Variants in EIF5A observed in about 807,000 individuals in gnomAD.
EIF5A encodes eukaryotic translation initiation factor 5A-1.
Under a neutral mutation model 16.6 loss-of-function variants are expected in EIF5A, and 1 was observed. The ratio of observed to expected loss-of-function variants is 0.06; its 90% CI spans 0.02 to 0.28. The LOEUF (loss-of-function observed/expected upper bound fraction) is 0.28. Among genes scored for constraint, EIF5A ranks in the 10% least tolerant of loss-of-function variants. The pLI, the probability that EIF5A is intolerant of heterozygous loss-of-function variation, is 1.00. For synonymous variants in EIF5A, 80 were observed against 73.6 expected, an observed-to-expected ratio of 1.09 and a Z score of -0.44; for missense variants, 29 against 196.1, an observed-to-expected ratio of 0.15 and a Z score of 5.09.
chr17:7,307,591 G>T, upstream of EIF5A: 1 of 1,016,516 alleles, frequency 9.8e-7, no homozygotes, highest in Non-Finnish European at 1.2e-6. Flanking sequence ...GGCTGTCATA[G>T]GGCTGCTTGG....
At chr17:7,311,774 C>T (rs2072836252) in intron 5 of EIF5A, 48 bp from the exon 6 acceptor site, 1 of 1,271,274 alleles carries the variant, frequency 7.9e-7, no homozygotes, top group African/African-American at 1.5e-5. Flanking sequence ...CCCTATCCTT[C>T]CTGTTGAAGG....
At chr17:7,311,240 G>C in intron 3 of EIF5A, 110 bp from the exon 4 acceptor site, 1 of 1,584,420 alleles carries the variant, frequency 6.3e-7, no homozygotes, top group South Asian at 1.1e-5. Flanking sequence ...GGCAGGAGAG[G>C]GTGTTTGGTA....
At chr17:7,307,908 C>A in intron 1 of EIF5A, 156 bp downstream of exon 1, 2 of 983,380 alleles carry the variant, frequency 2.0e-6, no homozygotes, top group Non-Finnish European at 2.4e-6. Flanking sequence ...GGCGCGGGCG[C>A]GCGCCCCGGT....
In EIF5A at chr17:7,308,303, G is replaced by C. The variant is rs1461227164; in HGVS notation, c.-22+551G>C. On this transcript the variant is annotated intron_variant, in intron 1 of 5. Transcript: ENST00000336458. Reference sequence around the variant, plus strand: ...GCATGGCCAAGCGTGGACCGGGGCCGCATGGCAGCGCGGGGACCCCTCCCC... The same window carrying C: ...GCATGGCCAAGCGTGGACCGGGGCCCCATGGCAGCGCGGGGACCCCTCCCC... The C allele has an allele frequency of 5.2e-6, 6 of 1,142,886 alleles. No individual in the cohort carries two copies. In the South Asian group the frequency reaches 8.3e-5, roughly 16 times the overall value. 70.8% of individuals were successfully genotyped at this position (1,142,886 alleles called of 1,614,324 possible).
chr17:7,311,655 AGT>A lies in EIF5A; in HGVS notation c.*11+8_*11+9del, dbSNP rs2072831440. On this transcript the variant is annotated splice_donor_5th_base_variant and intron_variant, in intron 5 of 5. Coordinates refer to ENST00000336458, the MANE Select transcript of EIF5A (RefSeq NM_001970.5). The stretch of plus-strand genomic sequence containing the variant: ...TGGCAAAATAACTGGCTCCCAGGTG[AGT>A]GTGACAAATCCCTCACTGTCCCCTT... 3.1e-6 allele frequency: 5 copies of A among 1,614,082 alleles called. No individual in the cohort carries two copies. Among genetic ancestry groups the A allele is most frequent in the Non-Finnish European group, 3.4e-6 (4 of 1,180,036 alleles).
At position 7,311,894 on chromosome 17, in the gene EIF5A, C is replaced by A; in HGVS notation, c.*84C>A. On this transcript the variant is annotated 3_prime_UTR_variant, in exon 6 of 6. Transcript: ENST00000336458. ...TCCCCGAGCCTGGCCTGGCTCTGGC[C>A]CGGTCCTAAGCTGGACTCCTCCTAC... 1 of 617,170 alleles carries A rather than the reference C, an allele frequency of 1.6e-6. No homozygotes were observed. The highest frequency in any genetic ancestry group is 2.9e-6 in the Non-Finnish European group (1 of 343,242). 38.2% of individuals were successfully genotyped at this position (617,170 alleles called of 1,614,324 possible). A position where few individuals can be genotyped will look rare whatever the true frequency, so the allele number is the denominator to read the frequency against.
At chr17:7,307,321 T>C (rs2072652905), upstream of EIF5A, 1 of 1,180,580 alleles carries the variant, frequency 8.5e-7, no homozygotes, top group Non-Finnish European at 1.1e-6. Flanking sequence ...AGTGCAGGGC[T>C]CCTTATTGCG....
Position 7,311,486 on chromosome 17 carries a change from G to T in EIF5A, c.402+5G>T. ...GACTGTGGAGAAGAGATCCTGGTAT[G>T]GTGCCTCCCTCCCTGCTTCTGTGCT... On this transcript the variant is annotated splice_donor_5th_base_variant and intron_variant, in intron 4 of 5. Coordinates refer to ENST00000336458, the MANE Select transcript of EIF5A (RefSeq NM_001970.5). 6.2e-7 allele frequency: 1 copy of T among 1,614,122 alleles called. No homozygotes were observed. Among genetic ancestry groups the T allele is most frequent in the Non-Finnish European group, 8.5e-7 (1 of 1,180,018 alleles).
intron 2 of EIF5A, chr17:7,310,485 T>C (rs1454894857): frequency 2.6e-6 from 3 of 1,172,136 alleles, no homozygotes; most frequent in Non-Finnish European, 3.2e-6. Flanking sequence ...TTTCCATCTT[T>C]TGACTTGACA....
At chr17:7,308,151 G>A (rs1036803759) in intron 1 of EIF5A, 3 of 871,704 alleles carry the variant, frequency 3.4e-6, no homozygotes, top group South Asian at 6.4e-5. Flanking sequence ...GGCATGATGG[G>A]GGGGGTTGGC....
At chr17:7,309,425 C>T (rs919888633) in intron 1 of EIF5A, among the ~76,000 whole-genome samples, 190 bp from the exon 2 acceptor site, 1 of 152,190 alleles carries the variant, frequency 6.6e-6, no homozygotes, top group Non-Finnish European at 1.5e-5. Flanking sequence ...GCTATTCCAC[C>T]CTCCCATACA....
upstream of EIF5A, chr17:7,307,283 A>G: frequency 8.5e-7 from 1 of 1,179,078 alleles, no homozygotes; most frequent in Non-Finnish European, 1.1e-6. Context: ...GCGTTCTGAG[A>G]CCCAGGCGTT....
chr17:7,310,827 G>T, intron 2 of EIF5A, 191 bp from the exon 3 acceptor site: 1 of 985,332 alleles, frequency 1.0e-6, no homozygotes, highest in Non-Finnish European at 1.2e-6. Flanking sequence ...CTCAACGGTG[G>T]TTTTTTAGCC....
chr17:7,307,149 G>A (rs754235047), upstream of EIF5A: 77 of 1,559,924 alleles, frequency 4.9e-5, no homozygotes, highest in Non-Finnish European at 6.3e-5. Context: ...AGCCGAGGTG[G>A]GGCGTATCCT....
Position 7,311,873 on chromosome 17 carries a change from C to T in EIF5A, c.*63C>T, listed in dbSNP as rs907596177. ...TCTGAACCTGCAGAGGCCCCCTCCC[C>T]GAGCCTGGCCTGGCTCTGGCCCGGT... On this transcript the variant is annotated 3_prime_UTR_variant, in exon 6 of 6. Transcript: ENST00000336458. 2.0e-5 allele frequency: 13 copies of T among 649,150 alleles called. No individual in the cohort carries two copies. Among genetic ancestry groups the T allele is most frequent in the African/African-American group, 5.5e-5 (3 of 54,532 alleles). The allele number at this position is 649,150 out of a possible 1,614,324, so 40.2% of individuals were successfully genotyped here.
At chr17:7,308,703 C>A in intron 1 of EIF5A, 1 of 692,246 alleles carries the variant, frequency 1.4e-6, no homozygotes, top group Non-Finnish European at 2.1e-6. Flanking sequence ...AGTTTCCCAC[C>A]GTGATAGGCG....
Position 7,307,675 on chromosome 17 carries a change from C to T in EIF5A, c.-99C>T. 2.9e-6 allele frequency: 3 copies of T among 1,050,436 alleles called. No homozygotes were observed. The highest frequency in any genetic ancestry group is 1.0e-4 in the East Asian group (1 of 9,958). The allele number at this position is 1,050,436 out of a possible 1,614,324, so 65.1% of individuals were successfully genotyped here. Reference sequence around the variant, plus strand: ...GCGGCGGCGGCGGTAGAGGCGGCGGCGGCGGCGGCAGCGGGCTCGGAGGCA... The same window carrying T: ...GCGGCGGCGGCGGTAGAGGCGGCGGTGGCGGCGGCAGCGGGCTCGGAGGCA... On this transcript the variant is annotated 5_prime_UTR_variant, in exon 1 of 6. Transcript: ENST00000336458.
chr17:7,308,213 G>A, intron 1 of EIF5A: 1 of 1,033,240 alleles, frequency 9.7e-7, no homozygotes, highest in Non-Finnish European at 1.2e-6. Context: ...CGCAGTCTCT[G>A]AGGAGGGGGC....
chr17:7,308,077 G>A, intron 1 of EIF5A: 3 of 994,280 alleles, frequency 3.0e-6, no homozygotes, highest in Non-Finnish European at 3.6e-6. Context: ...AAGGGTACCT[G>A]GGCCGTTGAG....
Sources: allele counts gnomAD v4.1 joint callset (sites outside exome capture counted in the v4.1 genomes callset), GRCh38; gene constraint gnomAD v4.1.1; transcripts MANE v1.5; gene names NCBI Gene and HGNC (gene_info 2026-07-23, HGNC 2026-07-21).